The following ZNHIT6 variants were observed in gnomAD, a reference collection of about 807,000 sequenced individuals.
ZNHIT6 encodes the protein box C/D snoRNA protein 1.
Under a neutral mutation model 57.2 loss-of-function variants are expected in ZNHIT6, and 45 were observed. The ratio of observed to expected loss-of-function variants is 0.79; its 90% CI spans 0.62 to 1.01. ZNHIT6 has a LOEUF of 1.01. Ranked by LOEUF, ZNHIT6 falls within the 50% of genes least tolerant of loss-of-function variation. ZNHIT6 has a pLI of 0.00. For synonymous variants in ZNHIT6, 188 were observed against 190.0 expected (o/e 0.99, Z 0.09); for missense variants, 528 against 567.3 (o/e 0.93, Z 0.70).
chr1:85,657,165 A>T (rs1661083409), intron 9 of ZNHIT6, among the ~76,000 whole-genome samples: 1 of 152,246 alleles, frequency 6.6e-6, no homozygotes, highest in South Asian at 2.1e-4. Context: ...CAGTTAGTTT[A>T]CTTTAATCAG....
chr1:85,696,921 C>T (rs971732048), intron 5 of ZNHIT6, among the ~76,000 whole-genome samples: 4 of 143,414 alleles, frequency 2.8e-5, no homozygotes, highest in South Asian at 2.2e-4. Flanking sequence ...AGTGCAGTGG[C>T]GCAATCTCGG....
chr1:85,658,395 A>AT (rs1052755047), intron 8 of ZNHIT6, among the ~76,000 whole-genome samples: 34 of 151,548 alleles, frequency 2.2e-4, no homozygotes, highest in African/African-American at 6.8e-4. Context: ...TGCCTGGCTA[A>AT]TTTTTTTTGT....
chr1:85,658,938 G>A (rs190264169), intron 8 of ZNHIT6, among the ~76,000 whole-genome samples: 12 of 151,958 alleles, frequency 7.9e-5, no homozygotes, highest in African/African-American at 2.4e-4. Flanking sequence ...AAAGAATGAT[G>A]AGCTAACTAT....
intron 8 of ZNHIT6, among the ~76,000 whole-genome samples, chr1:85,665,919 T>G (rs1661357486): frequency 6.6e-6 from 1 of 152,210 alleles, no homozygotes; most frequent in Admixed American, 6.5e-5. Context: ...GTCTTCCAGT[T>G]AAGTATACTG....
At chr1:85,670,869 C>T (rs760334363) in intron 8 of ZNHIT6, among the ~76,000 whole-genome samples, 2 of 152,142 alleles carry the variant, frequency 1.3e-5, no homozygotes, top group Non-Finnish European at 2.9e-5. Flanking sequence ...CAAGGTCTTA[C>T]GCCTGGCTTA....
chr1:85,698,991 C>G (rs1570330864), intron 5 of ZNHIT6, among the ~76,000 whole-genome samples: 1 of 152,178 alleles, frequency 6.6e-6, no homozygotes, highest in East Asian at 1.9e-4. Flanking sequence ...ATTTAATCCT[C>G]TCAATAACCT....
intron 8 of ZNHIT6, among the ~76,000 whole-genome samples, chr1:85,660,069 C>T (rs912353818): frequency 2.6e-5 from 4 of 152,052 alleles, no homozygotes; most frequent in Admixed American, 2.0e-4. Context: ...AAATGCTTCA[C>T]ATCTTTTAAA....
rs186732622 is a variant in ZNHIT6, at chr1:85,677,227, C to A, written c.1247+9G>T. 130 of 1,577,004 alleles carry A rather than the reference C, an allele frequency of 8.2e-5. No individual in the cohort carries two copies. The African/African-American group carries it at 1.0e-3, about 12-fold the overall frequency. ...ATATTTAAAGAAATGGGGAGGGGAG[C>A]AATTTTACCTTACTAAATTTTGCTG... On this transcript the variant is annotated intron_variant, in intron 8 of 9. Transcript: ENST00000370574.
At position 85,678,687 on chromosome 1, in the gene ZNHIT6, T is replaced by C. The variant is rs375751184; in HGVS notation, c.1169+14A>G. On this transcript the variant is annotated intron_variant, in intron 7 of 9. Transcript: ENST00000370574. ...TTAATTATTTCAGAAAGTTACAATA[T>C]TTTTGAAGCATACCTTTGACGAATT... 9 of 1,524,932 alleles carry C rather than the reference T, an allele frequency of 5.9e-6. No individual in the cohort carries two copies. In the African/African-American group the frequency reaches 1.1e-4, roughly 19 times the overall value. 94.5% of individuals were successfully genotyped at this position (1,524,932 alleles called of 1,614,324 possible).
chr1:85,693,016 A>G (rs1406973870), intron 5 of ZNHIT6, among the ~76,000 whole-genome samples: 1 of 147,210 alleles, frequency 6.8e-6, no homozygotes, highest in African/African-American at 2.4e-5. Flanking sequence ...TAAAAGACAG[A>G]CACACAAACA....
At position 85,657,871 on chromosome 1, in the gene ZNHIT6, T is replaced by G; in HGVS notation, c.1348A>C (p.Asn450His). 1 of 1,609,556 alleles carries G rather than the reference T, an allele frequency of 6.2e-7. No individual in the cohort carries two copies. Among genetic ancestry groups the G allele is most frequent in the Non-Finnish European group, 8.5e-7 (1 of 1,178,202 alleles). The change falls in exon 9 of 10, where the codon AAT becomes CAT. Residue 450 changes from asparagine to histidine, a missense_variant. Coordinates refer to ENST00000370574, the MANE Select transcript of ZNHIT6 (RefSeq NM_017953.4). Reference protein sequence around the residue: ...TLHVVLKGSNNDMKVLHQVKS... With the variant: ...TLHVVLKGSNHDMKVLHQVKS... ...CCTTGGTGAAGAACTTTCATGTCAT[T>G]ATTGGATCCTTTCAATACCACATGT...
Position 85,706,536 on chromosome 1 carries a change from T to TA in ZNHIT6, c.657-30dup, listed in dbSNP as rs755604439. 6 of 1,504,536 alleles carry TA rather than the reference T, an allele frequency of 4.0e-6. No individual in the cohort carries two copies. The Middle Eastern group carries it at 5.4e-4, about 135-fold the overall frequency. 93.2% of individuals were successfully genotyped at this position (1,504,536 alleles called of 1,614,324 possible). ...CAAAAGCCCACATGTAACATTAAATTATCAAATATTAATTGTATTTATTTA... is the reference window on the plus strand; with the variant it reads ...CAAAAGCCCACATGTAACATTAAATTAATCAAATATTAATTGTATTTATTTA... On this transcript the variant is annotated intron_variant, in intron 1 of 9. Coordinates refer to ENST00000370574, the MANE Select transcript of ZNHIT6 (RefSeq NM_017953.4).
intron 1 of ZNHIT6, among the ~76,000 whole-genome samples, chr1:85,707,034 T>A (rs1344051905): frequency 6.6e-6 from 1 of 152,204 alleles, no homozygotes; most frequent in Non-Finnish European, 1.5e-5. Context: ...CAACTGCTCT[T>A]CTATGCTCCT....
intron 5 of ZNHIT6, among the ~76,000 whole-genome samples, chr1:85,684,067 C>T (rs759438610): frequency 6.6e-6 from 1 of 152,118 alleles, no homozygotes; most frequent in African/African-American, 2.4e-5. Context: ...GCTACTGTTC[C>T]CTAAATTCAA....
intron 5 of ZNHIT6, among the ~76,000 whole-genome samples, chr1:85,693,098 G>A (rs888376135): frequency 3.3e-5 from 5 of 152,170 alleles, no homozygotes; most frequent in African/African-American, 1.2e-4. Flanking sequence ...GCTGTTAGTG[G>A]TAGAAGAATG....
intron 5 of ZNHIT6, among the ~76,000 whole-genome samples, chr1:85,687,286 A>AG: frequency 8.0e-6 from 1 of 125,418 alleles, no homozygotes; most frequent in African/African-American, 3.0e-5. Context: ...TATCTCAAAA[A>AG]ACAAAAAAAA....
intron 5 of ZNHIT6, among the ~76,000 whole-genome samples, chr1:85,695,143 A>T (rs1363528113): frequency 6.6e-6 from 1 of 152,108 alleles, no homozygotes; most frequent in Non-Finnish European, 1.5e-5. Context: ...AGGCACCTAC[A>T]GTCCCAGCTA....
chr1:85,676,940 T>C (rs1661720797), intron 8 of ZNHIT6, among the ~76,000 whole-genome samples: 1 of 152,152 alleles, frequency 6.6e-6, no homozygotes, highest in African/African-American at 2.4e-5. Context: ...AAGAATGCAA[T>C]ACCTGTAAAG....
At chr1:85,670,944 AG>A (rs1373890820) in intron 8 of ZNHIT6, among the ~76,000 whole-genome samples, 2 of 152,176 alleles carry the variant, frequency 1.3e-5, no homozygotes, top group East Asian at 1.9e-4. Context: ...ACTCGATGCC[AG>A]GAACAGTCAG....
Sources: gnomAD v4.1 joint callset for allele counts (sites outside exome capture counted in the v4.1 genomes callset) on GRCh38, gnomAD v4.1.1 for gene constraint, MANE v1.5 for transcripts, NCBI Gene and HGNC (gene_info 2026-07-23, HGNC 2026-07-21) for gene names.